Variants in PRIMA1 observed in about 807,000 individuals in gnomAD.
PRIMA1 encodes proline rich membrane anchor 1, also known as proline-rich membrane anchor 1.
In PRIMA1, 7 loss-of-function variants were observed where a neutral mutation model predicts 17.5. The ratio of observed to expected loss-of-function variants is 0.40; its 90% CI spans 0.23 to 0.75. The LOEUF is 0.75. PRIMA1 is among the 30% of genes least tolerant of loss of function. The probability of loss-of-function intolerance (pLI) is 0.37; values close to 1 mark genes in which losing one functional copy is unlikely to be tolerated. For missense variants in PRIMA1, 200 were observed against 201.8 expected, an observed-to-expected ratio of 0.99 and a Z score of 0.05; for synonymous variants, 97 against 77.9, an observed-to-expected ratio of 1.25 and a Z score of -1.29.
intron 3 of PRIMA1, among the ~76,000 whole-genome samples, chr14:93,774,091 C>CA (rs1479669684): frequency 4.0e-5 from 6 of 148,440 alleles, no homozygotes; most frequent in East Asian, 2.0e-4. Context: ...GACTCCGTCT[C>CA]AAAAAAAAAG....
chr14:93,746,759 C>T (rs1040098982), intron 3 of PRIMA1, among the ~76,000 whole-genome samples: 7 of 151,900 alleles, frequency 4.6e-5, no homozygotes, highest in South Asian at 2.1e-4. Context: ...TCCGCAGAGG[C>T]GGTGAGGAAA....
chr14:93,753,867 T>C (rs1359701034), intron 3 of PRIMA1, among the ~76,000 whole-genome samples: 2 of 152,132 alleles, frequency 1.3e-5, no homozygotes, highest in African/African-American at 2.4e-5. Context: ...AATCCCACAA[T>C]GTGAACCAGG....
chr14:93,718,872 T>C lies in PRIMA1; in HGVS notation c.*2572A>G, dbSNP rs1036287181. ...AGGGAAGTGCATTTCATTCTTGACCTCAGGGCTCGGACTAGCCTGAGGATC... is the reference window on the plus strand; with the variant it reads ...AGGGAAGTGCATTTCATTCTTGACCCCAGGGCTCGGACTAGCCTGAGGATC... On this transcript the variant is annotated 3_prime_UTR_variant, in exon 5 of 5. Transcript: ENST00000393140. 1.3e-5 allele frequency: 2 copies of C among 152,400 alleles called. No homozygotes were observed. The highest frequency in any genetic ancestry group is 4.8e-5 in the African/African-American group (2 of 41,408). 9.4% of individuals were successfully genotyped at this position (152,400 alleles called of 1,614,324 possible).
In PRIMA1 at chr14:93,726,510, T is replaced by A. The variant is rs1308549537; in HGVS notation, c.360-4964A>T. Among the ~76,000 whole-genome samples the A allele has an allele frequency of 6.7e-6, 1 of 150,082 alleles. No individual in the cohort carries two copies. Among genetic ancestry groups the A allele is most frequent in the Non-Finnish European group, 1.5e-5 (1 of 67,476 alleles). ...ACCCATACACACACATGAACCTGCG[T>A]AACACACACAGGCACGTACACATAG... On this transcript the variant is annotated intron_variant, in intron 4 of 4. Transcript: ENST00000393140. This position sits in a 1 kb window ranked among gnomAD's most constrained non-coding sequence, Gnocchi z 4.2.
At chr14:93,788,046 A>T (rs957276466) in intron 1 of PRIMA1, among the ~76,000 whole-genome samples, 2 of 152,128 alleles carry the variant, frequency 1.3e-5, no homozygotes, top group African/African-American at 4.8e-5. Flanking sequence ...GAAACAGCCA[A>T]GCACACTTAC....
chr14:93,737,297 A>G lies in PRIMA1; in HGVS notation c.303T>C (p.Cys101=). ...SGLVIIIAVC[C]ASLVFLTVLV... is the part of the protein sequence containing the mutation. ...GCACAGTCAGAAACACCAGGGAGGCACAGCATACGGCAATGATGATCACCA... is the reference window on the plus strand; with the variant it reads ...GCACAGTCAGAAACACCAGGGAGGCGCAGCATACGGCAATGATGATCACCA... Residue 101 remains cysteine, a synonymous_variant, in exon 4 of 5, where the codon TGT becomes TGC. Coordinates refer to ENST00000393140, the MANE Select transcript of PRIMA1 (RefSeq NM_178013.4). 6.2e-7 allele frequency: 1 copy of G among 1,614,170 alleles called. No homozygotes were observed. The highest frequency in any genetic ancestry group is 8.5e-7 in the Non-Finnish European group (1 of 1,180,026).
At chr14:93,751,227 C>T (rs887190630) in intron 3 of PRIMA1, among the ~76,000 whole-genome samples, 6 of 152,140 alleles carry the variant, frequency 3.9e-5, no homozygotes, top group Non-Finnish European at 7.4e-5. Context: ...GTGGGGAGCC[C>T]AGGAAGTGAA....
chr14:93,749,301 G>A (rs548828968), intron 3 of PRIMA1, among the ~76,000 whole-genome samples: 1 of 152,208 alleles, frequency 6.6e-6, no homozygotes, highest in East Asian at 1.9e-4. Context: ...ACCCACCCTC[G>A]CTGCCTTGAT....
At chr14:93,721,784 G>A (rs2076040559) in intron 4 of PRIMA1, among the ~76,000 whole-genome samples, 1 of 152,180 alleles carries the variant, frequency 6.6e-6, no homozygotes, top group East Asian at 1.9e-4. Flanking sequence ...ACAGTTGAGA[G>A]GGAAAGAGGG....
intron 4 of PRIMA1, among the ~76,000 whole-genome samples, chr14:93,727,634 G>A (rs1485171680): frequency 6.6e-6 from 1 of 152,176 alleles, no homozygotes; most frequent in Non-Finnish European, 1.5e-5. Context: ...TGGGGATGAA[G>A]GGGCTGGGGA....
At chr14:93,722,693 T>G (rs1421993512) in intron 4 of PRIMA1, among the ~76,000 whole-genome samples, 1 of 149,662 alleles carries the variant, frequency 6.7e-6, no homozygotes, top group African/African-American at 2.5e-5. Context: ...ATGATGGTAA[T>G]GATGATGATA....
At chr14:93,784,420 G>A (rs1345852812) in intron 2 of PRIMA1, among the ~76,000 whole-genome samples, 1 of 152,046 alleles carries the variant, frequency 6.6e-6, no homozygotes, top group Non-Finnish European at 1.5e-5. Context: ...CTCCTGCCTT[G>A]GCTTCCCGAA....
chr14:93,728,317 G>A (rs892124086), intron 4 of PRIMA1, among the ~76,000 whole-genome samples: 1 of 152,334 alleles, frequency 6.6e-6, no homozygotes, highest in South Asian at 2.1e-4. Context: ...AGACGGCAAA[G>A]AACCAGGCGT....
At chr14:93,728,072 C>T (rs1250455308) in intron 4 of PRIMA1, among the ~76,000 whole-genome samples, 2 of 152,166 alleles carry the variant, frequency 1.3e-5, no homozygotes, top group Admixed American at 6.5e-5. Flanking sequence ...CCAAGAGAAG[C>T]GGCCCATCCC....
At chr14:93,754,420 C>T (rs2076278549) in intron 3 of PRIMA1, among the ~76,000 whole-genome samples, 1 of 150,788 alleles carries the variant, frequency 6.6e-6, no homozygotes, top group South Asian at 2.1e-4. Flanking sequence ...TTTAACATTG[C>T]CTAGGGGGGC....
intron 3 of PRIMA1, among the ~76,000 whole-genome samples, chr14:93,744,870 C>T (rs1004814329): frequency 6.6e-6 from 1 of 152,188 alleles, no homozygotes; most frequent in Non-Finnish European, 1.5e-5. Context: ...TGCATTTAGC[C>T]TCCCTGGGGC....
chr14:93,761,337 C>A (rs577659848), intron 3 of PRIMA1, among the ~76,000 whole-genome samples: 1 of 151,798 alleles, frequency 6.6e-6, no homozygotes, highest in Non-Finnish European at 1.5e-5. Flanking sequence ...GGCAACAGAG[C>A]GAGACTCTGT....
intron 3 of PRIMA1, among the ~76,000 whole-genome samples, chr14:93,744,918 C>T (rs954955395): frequency 4.6e-5 from 7 of 152,194 alleles, no homozygotes; most frequent in African/African-American, 1.7e-4. Flanking sequence ...CCTGCCTTTT[C>T]CAAAACTAAG....
intron 3 of PRIMA1, among the ~76,000 whole-genome samples, chr14:93,771,352 G>C (rs534628966): frequency 6.6e-6 from 1 of 152,128 alleles, no homozygotes; most frequent in Admixed American, 6.5e-5. Flanking sequence ...CATCAAAAGG[G>C]ATACAGCTCC....
Sources: gnomAD v4.1 joint callset for allele counts (sites outside exome capture counted in the v4.1 genomes callset) on GRCh38, gnomAD v4.1.1 for gene constraint, Gnocchi (gnomAD v3.1) non-coding constraint, MANE v1.5 for transcripts, NCBI Gene and HGNC (gene_info 2026-07-23, HGNC 2026-07-21) for gene names.